The following TNIK variants were observed in gnomAD, a reference collection of about 807,000 sequenced individuals.
TNIK encodes the protein TRAF2 and NCK interacting kinase.
Under a neutral mutation model 191.3 loss-of-function variants are expected in TNIK, and 49 were observed. The observed-to-expected ratio is 0.26, with a 90% CI of 0.20 to 0.32. The LOEUF is 0.32. Ranked by LOEUF, TNIK falls within the 10% of genes least tolerant of loss-of-function variation. The pLI is 1.00. For synonymous variants in TNIK, 594 were observed against 600.9 expected (o/e 0.99, Z 0.17); for missense variants, 1,155 against 1,702.3 (o/e 0.68, Z 5.66).
intron 14 of TNIK, 146 bp downstream of exon 14, chr3:171,139,324 G>T (rs1167781815): frequency 5.7e-6 from 4 of 696,178 alleles, no homozygotes; most frequent in Admixed American, 2.3e-5. Context: ...GGTCCCTGAG[G>T]CTTAGAAGAT....
intron 2 of TNIK, among the ~76,000 whole-genome samples, chr3:171,235,775 G>T (rs1157363729): frequency 6.6e-6 from 1 of 151,470 alleles, no homozygotes; most frequent in Non-Finnish European, 1.5e-5. Context: ...TGGTGGGGGG[G>T]GGGTTTATAG....
At chr3:171,267,748 A>ATTTCTCCTGC (rs1748564269) in intron 2 of TNIK, among the ~76,000 whole-genome samples, 1 of 152,210 alleles carries the variant, frequency 6.6e-6, no homozygotes, top group Admixed American at 6.5e-5. Flanking sequence ...GCAACTTTTT[A>ATTTCTCCTGC]CCTAACTGAT....
intron 7 of TNIK, among the ~76,000 whole-genome samples, chr3:171,180,165 G>A (rs1020846771): frequency 6.6e-6 from 1 of 152,172 alleles, no homozygotes; most frequent in Non-Finnish European, 1.5e-5. Flanking sequence ...CCTCAGGTCA[G>A]GAAGAAGGAA....
chr3:171,191,074 G>A (rs909764465), intron 5 of TNIK, among the ~76,000 whole-genome samples: 8 of 152,002 alleles, frequency 5.3e-5, no homozygotes, highest in Non-Finnish European at 8.8e-5. Flanking sequence ...GTAATTATAC[G>A]GTTCCAACAT....
At chr3:171,265,192 A>G (rs948039343) in intron 2 of TNIK, among the ~76,000 whole-genome samples, 1 of 152,204 alleles carries the variant, frequency 6.6e-6, no homozygotes, top group African/African-American at 2.4e-5. Context: ...GTGTATTTTC[A>G]AAAGAAAAAG....
intron 11 of TNIK, among the ~76,000 whole-genome samples, chr3:171,160,323 A>T (rs769111572): frequency 2.6e-5 from 4 of 152,126 alleles, no homozygotes; most frequent in African/African-American, 4.8e-5. Flanking sequence ...GTTAGCATAA[A>T]AAAAGAACAC....
intron 2 of TNIK, among the ~76,000 whole-genome samples, chr3:171,243,185 A>C (rs1237921379): frequency 6.6e-6 from 1 of 152,136 alleles, no homozygotes; most frequent in Non-Finnish European, 1.5e-5. Context: ...TTCGAACTCC[A>C]CTTTCAGTGG....
At chr3:171,233,066 A>C (rs1276884099) in intron 2 of TNIK, among the ~76,000 whole-genome samples, 1 of 152,206 alleles carries the variant, frequency 6.6e-6, no homozygotes. Flanking sequence ...CTGGCAAAGC[A>C]CTCAAGCAAA....
intron 4 of TNIK, among the ~76,000 whole-genome samples, chr3:171,208,554 T>TTG (rs111537330): frequency 0.31 from 37,150 of 118,770 alleles, 5,131 homozygotes; most frequent in East Asian, 0.58. Context: ...TATTTTATTT[T>TTG]TGTGTGTATG....
intron 2 of TNIK, among the ~76,000 whole-genome samples, chr3:171,332,600 A>G (rs991173177): frequency 6.6e-6 from 1 of 152,190 alleles, no homozygotes; most frequent in Non-Finnish European, 1.5e-5. Context: ...TGCTATAGCC[A>G]GAGAAAGGTG....
chr3:171,459,675 TACACACACAC>T (rs58614773), intron 1 of TNIK, among the ~76,000 whole-genome samples: 1 of 146,230 alleles, frequency 6.8e-6, no homozygotes. Flanking sequence ...CCGGGGCGTG[TACACACACAC>T]ACACACACAC....
chr3:171,279,239 A>G (rs1333286182), intron 2 of TNIK, among the ~76,000 whole-genome samples: 1 of 152,178 alleles, frequency 6.6e-6, no homozygotes, highest in African/African-American at 2.4e-5. Flanking sequence ...GATATCTACC[A>G]AGACATATTT....
chr3:171,341,750 AGT>A (rs1757559415), intron 2 of TNIK, among the ~76,000 whole-genome samples: 1 of 152,118 alleles, frequency 6.6e-6, no homozygotes, highest in African/African-American at 2.4e-5. Flanking sequence ...TCCTTATGGC[AGT>A]TACAGTCTAA....
chr3:171,347,391 T>TCACACACACACACACACACA (rs150384769), intron 2 of TNIK, among the ~76,000 whole-genome samples: 1 of 146,070 alleles, frequency 6.8e-6, no homozygotes, highest in African/African-American at 2.5e-5. Context: ...GAAGTGCCTA[T>TCACACACACACACACACACA]CACACACACA....
At chr3:171,118,596 G>A (rs1290019925) in intron 18 of TNIK, among the ~76,000 whole-genome samples, 1 of 152,102 alleles carries the variant, frequency 6.6e-6, no homozygotes, top group African/African-American at 2.4e-5. Context: ...CAGAGATATA[G>A]ACCAATGGAA....
intron 2 of TNIK, among the ~76,000 whole-genome samples, chr3:171,309,724 T>C (rs1753818078): frequency 1.3e-5 from 2 of 152,220 alleles, no homozygotes; most frequent in Non-Finnish European, 2.9e-5. Context: ...GGGGGTTTTA[T>C]GAAGAGAGAC....
intron 2 of TNIK, among the ~76,000 whole-genome samples, chr3:171,359,865 G>A (rs1714710129): frequency 6.6e-6 from 1 of 152,084 alleles, no homozygotes; most frequent in African/African-American, 2.4e-5. Context: ...CTGTAATCCT[G>A]GCGGGGTTTC....
intron 22 of TNIK, among the ~76,000 whole-genome samples, chr3:171,100,957 T>C (rs548049739): frequency 2.0e-5 from 3 of 152,128 alleles, no homozygotes; most frequent in Non-Finnish European, 4.4e-5. Context: ...TTTCTCTGCA[T>C]GATTATCTGA....
At chr3:171,450,817 T>C (rs1728084858) in intron 1 of TNIK, among the ~76,000 whole-genome samples, 1 of 152,242 alleles carries the variant, frequency 6.6e-6, no homozygotes, top group Admixed American at 6.5e-5. Context: ...ACATTTATCA[T>C]GTGCCAGACA....
Sources: allele counts gnomAD v4.1 joint callset (sites outside exome capture counted in the v4.1 genomes callset), GRCh38; gene constraint gnomAD v4.1.1; transcripts MANE v1.5; gene names NCBI Gene and HGNC (gene_info 2026-07-23, HGNC 2026-07-21).